EML1: variants seen among roughly 807,000 people sequenced by gnomAD.
The protein encoded by EML1 is EMAP like 1, also known as echinoderm microtubule-associated protein-like 1.
EML1 carries 27 observed loss-of-function variants against 110.4 expected under a neutral mutation model. The ratio of observed to expected loss-of-function variants is 0.24; its 90% CI spans 0.18 to 0.34. The LOEUF is 0.34. Among genes scored for constraint, EML1 ranks in the 10% least tolerant of loss-of-function variants. The pLI is 1.00. For missense variants in EML1, 741 were observed against 1,030.9 expected, an observed-to-expected ratio of 0.72 and a Z score of 3.85; for synonymous variants, 344 against 385.8, an observed-to-expected ratio of 0.89 and a Z score of 1.27.
At position 99,920,783 on chromosome 14, in the gene EML1, T is replaced by A. The variant is rs1229037795; in HGVS notation, c.1821-6T>A. ...CTTACTGTGCTTTTTCTCATGTTGA[T>A]AACAGGTGGTTTGTGTTTGACACAG... On this transcript the variant is annotated splice_polypyrimidine_tract_variant and splice_region_variant and intron_variant, in intron 16 of 21. Coordinates refer to ENST00000262233, the MANE Select transcript of EML1 (RefSeq NM_004434.3). The A allele has an allele frequency of 1.2e-6, 2 of 1,610,736 alleles. No individual in the cohort carries two copies. Among genetic ancestry groups the A allele is most frequent in the South Asian group, 2.2e-5 (2 of 90,002 alleles).
At chr14:99,865,310 A>G (rs1459536546) in intron 2 of EML1, among the ~76,000 whole-genome samples, 1 of 152,154 alleles carries the variant, frequency 6.6e-6, no homozygotes, top group Non-Finnish European at 1.5e-5. Flanking sequence ...ATCTAATCTG[A>G]TCTGACAGGA....
chr14:99,902,748 G>A (rs1020548871), intron 9 of EML1, among the ~76,000 whole-genome samples: 1 of 152,108 alleles, frequency 6.6e-6, no homozygotes, highest in Non-Finnish European at 1.5e-5. Context: ...AATACCTATG[G>A]GTTGGGTAAA....
chr14:99,836,106 G>A (rs1395252940), intron 1 of EML1, among the ~76,000 whole-genome samples: 2 of 152,146 alleles, frequency 1.3e-5, no homozygotes, highest in African/African-American at 4.8e-5. Flanking sequence ...CATTGAATCT[G>A]TAGATCAAAT....
rs147189482 is a variant in EML1, at chr14:99,895,661, A to G, written c.677+903A>G. 5.3e-5 allele frequency among the ~76,000 whole-genome samples: 8 copies of G among 152,204 alleles called. No homozygotes were observed. In the East Asian group the frequency reaches 1.4e-3, roughly 26 times the overall value. On this transcript the variant is annotated intron_variant, in intron 6 of 21. Transcript: ENST00000262233. ...GAGCCAAACTTCAAGTGTGACCTTG[A>G]CTGAAGGGATGATAGAAAAATATGA...
At position 99,936,643 on chromosome 14, in the gene EML1, T is replaced by G. The variant is rs981429855; in HGVS notation, c.2095+309T>G. On this transcript the variant is annotated intron_variant, in intron 19 of 21. Coordinates refer to ENST00000262233, the MANE Select transcript of EML1 (RefSeq NM_004434.3). This position sits in a 1 kb window ranked among gnomAD's most constrained non-coding sequence, Gnocchi z 5.5. ...TGTGGCAGAAGGGGGCGGGTCCGGG[T>G]GGATGTGGCCGAAGTGGGTGGGTCC... is the stretch of plus-strand genomic sequence containing the variant. 2.6e-5 allele frequency among the ~76,000 whole-genome samples: 4 copies of G among 151,086 alleles called. No individual in the cohort carries two copies. Among genetic ancestry groups the G allele is most frequent in the African/African-American group, 4.9e-5 (2 of 41,074 alleles).
At chr14:99,753,844 G>A (rs374404922) in intron 1 of EML1, among the ~76,000 whole-genome samples, 2 of 152,316 alleles carry the variant, frequency 1.3e-5, no homozygotes, top group African/African-American at 2.4e-5. Context: ...CCCCACAACC[G>A]CATCAGCTAG....
In EML1 at chr14:99,850,679, T is replaced by C. The variant is rs543161730; in HGVS notation, c.68-174T>C. Among the ~76,000 whole-genome samples, 9 of 152,322 alleles carry C rather than the reference T, an allele frequency of 5.9e-5. No homozygotes were observed. The South Asian group carries it at 1.0e-3, about 18-fold the overall frequency. Reference sequence around the variant, plus strand: ...AAGACCATTGTAGAATGAAGAGTTGTAGTTACACACAGCTAAAGATTTCAT... The same window carrying C: ...AAGACCATTGTAGAATGAAGAGTTGCAGTTACACACAGCTAAAGATTTCAT... On this transcript the variant is annotated intron_variant, in intron 1 of 21. Transcript: ENST00000262233.
In EML1 at chr14:99,810,662, T is replaced by G. The variant is rs534618576; in HGVS notation, c.67+17119T>G. On this transcript the variant is annotated intron_variant, in intron 1 of 21. Transcript: ENST00000262233. ...ACCCGGGACAAATCACGTGACCTTG[T>G]GGCTCAGTTTTCTATGCCATAAAGT... Among the ~76,000 whole-genome samples the G allele has an allele frequency of 2.0e-5, 3 of 152,344 alleles. No homozygotes were observed. The East Asian group carries it at 5.8e-4, about 29-fold the overall frequency.
chr14:99,781,164 T>C lies in EML1; in HGVS notation c.-27+7151T>C, dbSNP rs1595272250. On this transcript the variant is annotated intron_variant, in intron 1 of 22. Transcript: ENST00000327921. This position sits in a 1 kb window ranked among gnomAD's most constrained non-coding sequence, Gnocchi z 4.2. ...GGCCGCCTCCCTTCTCCTTGACTCGTCCCCAGCTTCTAATTCTTTCCTCTA... is the reference window on the plus strand; with the variant it reads ...GGCCGCCTCCCTTCTCCTTGACTCGCCCCCAGCTTCTAATTCTTTCCTCTA... Among the ~76,000 whole-genome samples, 1 of 152,010 alleles carries C rather than the reference T, an allele frequency of 6.6e-6. No homozygotes were observed. The highest frequency in any genetic ancestry group is 2.4e-5 in the African/African-American group (1 of 41,374).
intron 1 of EML1, among the ~76,000 whole-genome samples, chr14:99,800,704 A>G (rs1432793470): frequency 6.6e-6 from 1 of 152,052 alleles, no homozygotes; most frequent in Non-Finnish European, 1.5e-5. Context: ...ATTTTTGTTT[A>G]CTCTAAGGTT....
chr14:99,860,859 T>G (rs2058992098), intron 2 of EML1, among the ~76,000 whole-genome samples: 1 of 152,034 alleles, frequency 6.6e-6, no homozygotes, highest in Non-Finnish European at 1.5e-5. Context: ...TCTTTCATGA[T>G]CTCTCATCAC....
At chr14:99,841,724 G>A (rs183364150) in intron 1 of EML1, among the ~76,000 whole-genome samples, 75 of 152,164 alleles carry the variant, frequency 4.9e-4, no homozygotes, top group Non-Finnish European at 1.5e-4. Context: ...TCAATGCCTC[G>A]CACCACTGGG....
Position 99,811,109 on chromosome 14 carries a change from C to T in EML1, c.67+17566C>T, listed in dbSNP as rs185552903. Among the ~76,000 whole-genome samples the T allele has an allele frequency of 1.4e-4, 22 of 152,152 alleles. 1 individual carries two copies. In the East Asian group the frequency reaches 2.1e-3, roughly 15 times the overall value. ...TCATACACGGTTGACCCTTGAACAACGCAGGGGTTAGGGGGTGCTGAGCCC... is the reference window on the plus strand; with the variant it reads ...TCATACACGGTTGACCCTTGAACAATGCAGGGGTTAGGGGGTGCTGAGCCC... On this transcript the variant is annotated intron_variant, in intron 1 of 21. Coordinates refer to ENST00000262233, the MANE Select transcript of EML1 (RefSeq NM_004434.3).
rs539672980 is a variant in EML1, at chr14:99,914,123, G to A, written c.1495-56G>A. 1.8e-5 allele frequency: 29 copies of A among 1,578,822 alleles called. No individual in the cohort carries two copies. The African/African-American group carries it at 3.4e-4, about 18-fold the overall frequency. On this transcript the variant is annotated intron_variant, in intron 13 of 21. Coordinates refer to ENST00000262233, the MANE Select transcript of EML1 (RefSeq NM_004434.3). ...TATGATAAGTGTTTTGAATGACTGA[G>A]CTAACAACTGAATGAAATTGTACAT...
chr14:99,842,139 G>A (rs2058643782), intron 1 of EML1, among the ~76,000 whole-genome samples: 1 of 152,180 alleles, frequency 6.6e-6, no homozygotes, highest in Non-Finnish European at 1.5e-5. Context: ...TAAATAAGTT[G>A]TTAAAGTTTT....
intron 17 of EML1, among the ~76,000 whole-genome samples, chr14:99,922,387 T>A (rs7152119): frequency 0.71 from 107,377 of 152,054 alleles, 38,884 homozygotes; most frequent in African/African-American, 0.88. Flanking sequence ...AAGTGCTGGG[T>A]TTACAGGCGT....
intron 1 of EML1, among the ~76,000 whole-genome samples, chr14:99,749,314 C>T (rs1424796699): frequency 6.6e-6 from 1 of 152,026 alleles, no homozygotes; most frequent in Non-Finnish European, 1.5e-5. Context: ...ACATCTTCAC[C>T]GGCACCTGTT....
At chr14:99,795,410 T>C (rs1595290811) in intron 1 of EML1, among the ~76,000 whole-genome samples, 2 of 152,358 alleles carry the variant, frequency 1.3e-5, no homozygotes, top group East Asian at 3.9e-4. Context: ...AAGATCACTT[T>C]ATAACTATTG....
At chr14:99,830,248 T>A (rs1282516409) in intron 1 of EML1, among the ~76,000 whole-genome samples, 1 of 152,236 alleles carries the variant, frequency 6.6e-6, no homozygotes, top group Non-Finnish European at 1.5e-5. Flanking sequence ...TGACTAGTGA[T>A]GTTGAGTGTC....
Sources: allele counts gnomAD v4.1 joint callset (sites outside exome capture counted in the v4.1 genomes callset), GRCh38; gene constraint gnomAD v4.1.1; non-coding constraint Gnocchi (gnomAD v3.1); transcripts MANE v1.5; gene names NCBI Gene and HGNC (gene_info 2026-07-23, HGNC 2026-07-21).